Variants in PCDH9 observed in about 807,000 individuals in gnomAD.
PCDH9 encodes the protein protocadherin-9.
Under a neutral mutation model 70.6 loss-of-function variants are expected in PCDH9, and 24 were observed. The ratio of observed to expected loss-of-function variants is 0.34; its 90% CI spans 0.25 to 0.48. PCDH9 has a LOEUF of 0.48. PCDH9 is among the 20% of genes least tolerant of loss of function. PCDH9 has a pLI of 0.99. For synonymous variants in PCDH9, 562 were observed against 558.5 expected (o/e 1.01, Z -0.09); for missense variants, 1,281 against 1,503.6 (o/e 0.85, Z 2.45).
At chr13:67,036,549 TATGAA>T (rs1566379101) in intron 2 of PCDH9, among the ~76,000 whole-genome samples, 1 of 152,328 alleles carries the variant, frequency 6.6e-6, no homozygotes, top group East Asian at 1.9e-4. Context: ...TCAAGGAAAG[TATGAA>T]ATGAACAGTA....
At chr13:66,655,088 T>G (rs939356929) in intron 3 of PCDH9, among the ~76,000 whole-genome samples, 1 of 152,016 alleles carries the variant, frequency 6.6e-6, no homozygotes, top group Admixed American at 6.6e-5. Context: ...TGAAAGGAGT[T>G]TTCCTGAAGG....
chr13:66,649,424 A>G (rs1365387571), intron 3 of PCDH9, among the ~76,000 whole-genome samples: 1 of 149,014 alleles, frequency 6.7e-6, no homozygotes, highest in African/African-American at 2.5e-5. Flanking sequence ...AGTGCAAAAG[A>G]AAAAAAAACT....
intron 3 of PCDH9, among the ~76,000 whole-genome samples, chr13:66,820,886 G>A (rs2080699749): frequency 6.6e-6 from 1 of 151,832 alleles, no homozygotes; most frequent in Admixed American, 6.6e-5. Flanking sequence ...ATAACTAATG[G>A]GTATTAGGCT....
intron 4 of PCDH9, among the ~76,000 whole-genome samples, chr13:66,355,184 T>A (rs938208443): frequency 6.6e-6 from 1 of 152,136 alleles, no homozygotes; most frequent in African/African-American, 2.4e-5. Flanking sequence ...CTGTTTTTTT[T>A]TTAATCCCCA....
chr13:67,054,248 G>T (rs572715605), intron 2 of PCDH9, among the ~76,000 whole-genome samples: 11 of 152,048 alleles, frequency 7.2e-5, no homozygotes, highest in South Asian at 2.1e-4. Context: ...TTAAACACCC[G>T]CTCTTTTGAA....
intron 3 of PCDH9, among the ~76,000 whole-genome samples, chr13:66,862,859 C>T (rs888712102): frequency 6.6e-6 from 1 of 151,894 alleles, no homozygotes; most frequent in East Asian, 1.9e-4. Flanking sequence ...TATAAGATAG[C>T]ATAATTTTTT....
intron 2 of PCDH9, among the ~76,000 whole-genome samples, chr13:67,065,798 C>T (rs1310671811): frequency 1.3e-5 from 2 of 152,152 alleles, no homozygotes; most frequent in Admixed American, 6.6e-5. Context: ...TTGCTATTGT[C>T]ACTCCTTTGG....
chr13:66,679,309 C>T (rs2078286423), intron 3 of PCDH9, among the ~76,000 whole-genome samples: 1 of 151,402 alleles, frequency 6.6e-6, no homozygotes, highest in Non-Finnish European at 1.5e-5. Context: ...AATTATAATA[C>T]CTACATTATT....
At chr13:66,403,802 A>T (rs1479938754) in intron 4 of PCDH9, among the ~76,000 whole-genome samples, 1 of 152,192 alleles carries the variant, frequency 6.6e-6, no homozygotes, top group Non-Finnish European at 1.5e-5. Flanking sequence ...AGAATGCCTT[A>T]CTATTATTGT....
intron 4 of PCDH9, among the ~76,000 whole-genome samples, chr13:66,342,245 C>T (rs775879451): frequency 2.0e-5 from 3 of 152,176 alleles, no homozygotes; most frequent in Admixed American, 6.6e-5. Context: ...GAAATAGCAG[C>T]TGTTGCAAAA....
intron 2 of PCDH9, among the ~76,000 whole-genome samples, chr13:67,036,378 C>G (rs80323669): frequency 0.11 from 16,248 of 152,150 alleles, 953 homozygotes; most frequent in Middle Eastern, 0.16. Context: ...CCACTAATCT[C>G]TCAGGTCTTT....
chr13:67,073,681 G>C (rs966745774), intron 2 of PCDH9, among the ~76,000 whole-genome samples: 2 of 151,842 alleles, frequency 1.3e-5, no homozygotes, highest in African/African-American at 4.8e-5. Context: ...AGCTCTCCTG[G>C]TATGTATACT....
chr13:66,600,328 A>G (rs1052597416), intron 4 of PCDH9, among the ~76,000 whole-genome samples: 1 of 151,890 alleles, frequency 6.6e-6, no homozygotes, highest in African/African-American at 2.4e-5. Context: ...TTTTAGAACC[A>G]CGAAGTCTAC....
intron 4 of PCDH9, 129 bp from the exon 5 acceptor site, chr13:66,305,157 C>T (rs1955442796): frequency 8.7e-6 from 7 of 801,248 alleles, no homozygotes; most frequent in Non-Finnish European, 1.3e-5. Context: ...TCAAGCAACT[C>T]AAAGATATAT....
intron 3 of PCDH9, among the ~76,000 whole-genome samples, chr13:66,864,738 CTTGT>C (rs1432168228): frequency 6.6e-6 from 1 of 152,158 alleles, no homozygotes; most frequent in South Asian, 2.1e-4. Context: ...GACTGCACTG[CTTGT>C]TTGTTTGTTT....
At chr13:66,491,632 T>C (rs986566717) in intron 4 of PCDH9, among the ~76,000 whole-genome samples, 1 of 152,172 alleles carries the variant, frequency 6.6e-6, no homozygotes, top group African/African-American at 2.4e-5. Flanking sequence ...TTAACTATTT[T>C]GAGAGTTGAA....
At chr13:66,649,166 C>G (rs2077815030) in intron 3 of PCDH9, among the ~76,000 whole-genome samples, 1 of 151,922 alleles carries the variant, frequency 6.6e-6, no homozygotes, top group African/African-American at 2.4e-5. Context: ...TGTAAACTTC[C>G]CTAACATAGA....
chr13:66,752,574 G>A (rs1216651431), intron 3 of PCDH9, among the ~76,000 whole-genome samples: 1 of 152,214 alleles, frequency 6.6e-6, no homozygotes, highest in Non-Finnish European at 1.5e-5. Flanking sequence ...TGGGATTACA[G>A]GCATGAGCCA....
rs75640081 is a variant in PCDH9, at chr13:66,621,470, A to G, written c.3340+9740T>C. On this transcript the variant is annotated intron_variant, in intron 4 of 4. Transcript: ENST00000377865. ...AATTGCTAATCAAATAACTGTACCT[A>G]TTTTCTTTGAGGAAAAGGTATAAGG... Among the ~76,000 whole-genome samples, 61 of 152,224 alleles carry G rather than the reference A, an allele frequency of 4.0e-4. No homozygotes were observed. The East Asian group carries it at 8.7e-3, about 22-fold the overall frequency.
Sources: allele counts gnomAD v4.1 joint callset (sites outside exome capture counted in the v4.1 genomes callset), GRCh38; gene constraint gnomAD v4.1.1; transcripts MANE v1.5; gene names NCBI Gene and HGNC (gene_info 2026-07-23, HGNC 2026-07-21).